CPSF2: variants seen among roughly 807,000 people sequenced by gnomAD.
CPSF2 encodes cleavage and polyadenylation specificity factor subunit 2.
In CPSF2, 51 loss-of-function variants were observed where a neutral mutation model predicts 84.2. The ratio of observed to expected loss-of-function variants is 0.61; its 90% CI spans 0.48 to 0.77. CPSF2 has a LOEUF of 0.77. Among genes scored for constraint, CPSF2 ranks in the 30% least tolerant of loss-of-function variants. The pLI, the probability that CPSF2 is intolerant of heterozygous loss-of-function variation, is 0.00. For synonymous variants in CPSF2, 286 were observed against 311.9 expected, an observed-to-expected ratio of 0.92 and a Z score of 0.87; for missense variants, 641 against 929.4, an observed-to-expected ratio of 0.69 and a Z score of 4.03.
chr14:92,133,136 A>C (rs897875840), intron 3 of CPSF2, among the ~76,000 whole-genome samples: 2 of 148,248 alleles, frequency 1.3e-5, no homozygotes, highest in African/African-American at 5.0e-5. Context: ...AAATCAACTT[A>C]TGGCCGGGCG....
intron 5 of CPSF2, among the ~76,000 whole-genome samples, chr14:92,134,760 C>T (rs369443205): frequency 3.9e-5 from 6 of 152,064 alleles, no homozygotes; most frequent in Non-Finnish European, 7.3e-5. Context: ...TAGCATTGGA[C>T]GTTAAAAAGT....
chr14:92,123,014 C>T (rs1410089370), intron 1 of CPSF2, among the ~76,000 whole-genome samples: 3 of 151,950 alleles, frequency 2.0e-5, no homozygotes, highest in African/African-American at 4.8e-5. Context: ...GGGGCTCTCC[C>T]TCAACTGACC....
intron 9 of CPSF2, among the ~76,000 whole-genome samples, chr14:92,151,805 G>A (rs780654310): frequency 2.0e-5 from 3 of 152,142 alleles, no homozygotes; most frequent in Non-Finnish European, 4.4e-5. Context: ...GAGAGGCTGA[G>A]GAGGGCAGAT....
chr14:92,138,825 A>C (rs2069035351), intron 7 of CPSF2, among the ~76,000 whole-genome samples: 1 of 152,232 alleles, frequency 6.6e-6, no homozygotes, highest in Admixed American at 6.5e-5. Flanking sequence ...TACCCAATGT[A>C]TAATGTCCTT....
intron 11 of CPSF2, among the ~76,000 whole-genome samples, chr14:92,155,974 T>C (rs1313328020): frequency 6.6e-6 from 1 of 151,470 alleles, no homozygotes; most frequent in African/African-American, 2.4e-5. Context: ...ACTACTATCC[T>C]GTGTGGAAAA....
intron 1 of CPSF2, among the ~76,000 whole-genome samples, chr14:92,124,403 AAGG>A (rs777778961): frequency 7.2e-5 from 11 of 152,314 alleles, no homozygotes; most frequent in Non-Finnish European, 1.2e-4. Context: ...GCAGGACATA[AAGG>A]AGGTCAGAGA....
chr14:92,146,023 C>G (rs1403173693), intron 9 of CPSF2, among the ~76,000 whole-genome samples: 1 of 152,146 alleles, frequency 6.6e-6, no homozygotes, highest in Non-Finnish European at 1.5e-5. Flanking sequence ...GACAGCACTT[C>G]CCACATATTC....
At chr14:92,130,250 G>C (rs568059766) in intron 2 of CPSF2, among the ~76,000 whole-genome samples, 1 of 151,680 alleles carries the variant, frequency 6.6e-6, no homozygotes, top group East Asian at 1.9e-4. Flanking sequence ...ATTTCTACGT[G>C]TATATGTACT....
chr14:92,156,402 A>T (rs2069290603), intron 11 of CPSF2, 77 bp from the exon 12 acceptor site: 1 of 1,190,778 alleles, frequency 8.4e-7, no homozygotes, highest in African/African-American at 1.5e-5. Context: ...TCCAAAAATT[A>T]TGCCACCTAC....
At chr14:92,129,033 G>T (rs966638287) in intron 2 of CPSF2, among the ~76,000 whole-genome samples, 2 of 152,196 alleles carry the variant, frequency 1.3e-5, no homozygotes, top group African/African-American at 4.8e-5. Context: ...ACTGCTGGGT[G>T]GCAAGAGCTT....
Position 92,170,142 on chromosome 14 carries a change from A to C in CPSF2, c.*8398A>C, listed in dbSNP as rs2069500137. 6.6e-6 allele frequency: 1 copy of C among 152,182 alleles called. No individual in the cohort carries two copies. The highest frequency in any genetic ancestry group is 2.4e-5 in the African/African-American group (1 of 41,438). The allele number at this position is 152,182 out of a possible 1,614,324, so 9.4% of individuals were successfully genotyped here. ...GTGAGACCCTGTCTCAAAAACAACA[A>C]AAATCTCAGTGTGACAAATTCCTAA... is the stretch of plus-strand genomic sequence containing the variant. On this transcript the variant is annotated 3_prime_UTR_variant, in exon 16 of 16. Coordinates refer to ENST00000298875, the MANE Select transcript of CPSF2 (RefSeq NM_017437.3).
chr14:92,156,448 T>C, intron 11 of CPSF2, 31 bp from the exon 12 acceptor site: 1 of 1,592,968 alleles, frequency 6.3e-7, no homozygotes, highest in Non-Finnish European at 8.5e-7. Context: ...GCTTGCTTTT[T>C]ACTGCTTCTA....
chr14:92,142,244 C>A lies in CPSF2; in HGVS notation c.742C>A (p.Gln248Lys). Reference protein sequence around the residue: ...DTAGRVLELAQLLDQIWRTKD... With the variant: ...DTAGRVLELAKLLDQIWRTKD... The stretch of plus-strand genomic sequence containing the variant: ...AGCAGGCAGAGTTTTGGAACTTGCT[C>A]AACTTCTTGATCAGATTTGGAGGAC... The change falls in exon 8 of 16, where the codon CAA becomes AAA. Residue 248 changes from glutamine to lysine, a missense_variant. Transcript: ENST00000298875. 1 of 1,613,996 alleles carries A rather than the reference C, an allele frequency of 6.2e-7. No individual in the cohort carries two copies. Among genetic ancestry groups the A allele is most frequent in the Non-Finnish European group, 8.5e-7 (1 of 1,179,930 alleles).
rs187994456 is a variant in CPSF2 at position 92,143,486 on chromosome 14, C to T, written c.1140+192C>T. On this transcript the variant is annotated intron_variant, in intron 9 of 15. Transcript: ENST00000298875. ...GGGAGGCTGAGGCGGAAGGACCACT[C>T]GAGCCCAGGAATTTGAGGTCAGCCT... Among the ~76,000 whole-genome samples the T allele has an allele frequency of 1.0e-3, 156 of 152,122 alleles. 2 individuals are homozygous for T. Among genetic ancestry groups the T allele is most frequent in the African/African-American group, 3.1e-3 (127 of 41,474 alleles).
chr14:92,150,618 G>A (rs1375433089), intron 9 of CPSF2, among the ~76,000 whole-genome samples: 2 of 152,064 alleles, frequency 1.3e-5, no homozygotes, highest in Admixed American at 6.5e-5. Flanking sequence ...TGTAGAGACT[G>A]GGTCTTGCTA....
intron 2 of CPSF2, among the ~76,000 whole-genome samples, chr14:92,128,994 G>A (rs2068880974): frequency 2.0e-5 from 3 of 152,204 alleles, no homozygotes; most frequent in South Asian, 2.1e-4. Context: ...ATGCCATAGT[G>A]AAGAGGAAAT....
At chr14:92,124,586 C>T (rs1240866978) in intron 1 of CPSF2, among the ~76,000 whole-genome samples, 1 of 152,186 alleles carries the variant, frequency 6.6e-6, no homozygotes, top group South Asian at 2.1e-4. Flanking sequence ...TTAGGGGTGA[C>T]AACATGATGC....
intron 1 of CPSF2, 23 bp downstream of exon 1, chr14:92,122,151 A>G (rs2141442907): frequency 5.7e-6 from 2 of 353,638 alleles, no homozygotes; most frequent in South Asian, 4.9e-5. Flanking sequence ...GGGAGAAAGG[A>G]GCGAGCCTCG....
At chr14:92,130,061 A>G (rs182976695) in intron 2 of CPSF2, among the ~76,000 whole-genome samples, 8 of 152,204 alleles carry the variant, frequency 5.3e-5, no homozygotes, top group Non-Finnish European at 8.8e-5. Context: ...AGATGTGTTC[A>G]TGTTATATTT....
Sources: gnomAD v4.1 joint callset for allele counts (sites outside exome capture counted in the v4.1 genomes callset) on GRCh38, gnomAD v4.1.1 for gene constraint, MANE v1.5 for transcripts, NCBI Gene and HGNC (gene_info 2026-07-23, HGNC 2026-07-21) for gene names.